KDM4C: variants seen among roughly 807,000 people sequenced by gnomAD.
KDM4C encodes lysine demethylase 4C.
Under a neutral mutation model 129.3 loss-of-function variants are expected in KDM4C, and 81 were observed. That is an observed-to-expected ratio of 0.63 (90% CI 0.52 to 0.75). The LOEUF (loss-of-function observed/expected upper bound fraction) is 0.75. Ranked by LOEUF, KDM4C falls within the 30% of genes least tolerant of loss-of-function variation. The pLI is 0.00. For missense variants in KDM4C, 1,457 were observed against 1,304.0 expected (o/e 1.12, Z -1.81); for synonymous variants, 573 against 456.1 (o/e 1.26, Z -3.26).
At chr9:6,925,723 C>G in intron 8 of KDM4C, 1 of 705,546 alleles carries the variant, frequency 1.4e-6, no homozygotes, top group Non-Finnish European at 1.7e-6. Flanking sequence ...TTCATTAGCC[C>G]TCTCAGCTGA....
chr9:6,891,770 C>A (rs1446681583), intron 7 of KDM4C, among the ~76,000 whole-genome samples: 1 of 152,028 alleles, frequency 6.6e-6, no homozygotes, highest in Non-Finnish European at 1.5e-5. Context: ...GTAGCTATTA[C>A]TGTTTCAGTC....
intron 1 of KDM4C, among the ~76,000 whole-genome samples, chr9:6,728,812 C>T (rs184329659): frequency 5.3e-5 from 8 of 152,124 alleles, no homozygotes; most frequent in Admixed American, 3.9e-4. Context: ...TACCACCACA[C>T]TCCAGCCTAG....
intron 17 of KDM4C, among the ~76,000 whole-genome samples, chr9:7,062,787 C>T (rs1831891644): frequency 6.6e-6 from 1 of 152,086 alleles, no homozygotes; most frequent in South Asian, 2.1e-4. Context: ...TTTAGTTTTG[C>T]CTTTTAACCC....
At chr9:7,047,037 G>T (rs888681976) in intron 16 of KDM4C, 120 bp downstream of exon 16, 3 of 696,346 alleles carry the variant, frequency 4.3e-6, no homozygotes, top group Non-Finnish European at 5.0e-6. Context: ...TTGCTGCTCA[G>T]ATCTGAGGTT....
chr9:6,771,056 G>C (rs888843593), intron 1 of KDM4C, among the ~76,000 whole-genome samples: 1 of 144,380 alleles, frequency 6.9e-6, no homozygotes, highest in Non-Finnish European at 1.5e-5. Context: ...TTACAGGCGT[G>C]AGCCACTGCG....
chr9:7,055,733 C>A (rs1032801804), intron 17 of KDM4C, among the ~76,000 whole-genome samples: 4 of 152,136 alleles, frequency 2.6e-5, no homozygotes, highest in Non-Finnish European at 5.9e-5. Context: ...TGCCAACTGA[C>A]TCATGTTATC....
chr9:6,833,477 T>C (rs1201659499), intron 4 of KDM4C, among the ~76,000 whole-genome samples: 5 of 152,162 alleles, frequency 3.3e-5, no homozygotes, highest in African/African-American at 1.2e-4. Flanking sequence ...GCCACGTGGC[T>C]TCAGAAACAA....
intron 8 of KDM4C, among the ~76,000 whole-genome samples, chr9:6,905,847 A>G (rs952142265): frequency 6.6e-6 from 1 of 152,200 alleles, no homozygotes; most frequent in Non-Finnish European, 1.5e-5. Context: ...CTGAGCACAG[A>G]TTCTCCTTCA....
At chr9:6,822,512 T>C (rs1428460437) in intron 4 of KDM4C, among the ~76,000 whole-genome samples, 1 of 152,198 alleles carries the variant, frequency 6.6e-6, no homozygotes, top group South Asian at 2.1e-4. Flanking sequence ...ATCTTAGAAA[T>C]AGAGCCATCT....
chr9:7,098,508 T>C (rs1428074189), intron 17 of KDM4C, among the ~76,000 whole-genome samples: 1 of 152,222 alleles, frequency 6.6e-6, no homozygotes, highest in Non-Finnish European at 1.5e-5. Context: ...ACTTATCATG[T>C]TATGACCAGT....
chr9:7,155,007 C>T (rs1843023600), intron 19 of KDM4C, among the ~76,000 whole-genome samples: 3 of 152,194 alleles, frequency 2.0e-5, no homozygotes, highest in South Asian at 2.1e-4. Flanking sequence ...TGTTTACTTA[C>T]TCCAGTAACA....
chr9:6,753,095 C>T (rs1051304497), upstream of KDM4C, among the ~76,000 whole-genome samples: 1 of 152,198 alleles, frequency 6.6e-6, no homozygotes, highest in African/African-American at 2.4e-5. Context: ...AGTTCCTCTC[C>T]TTCTACCCCA....
Position 7,173,260 on chromosome 9 carries a change from A to G in KDM4C, c.2995-1293A>G, listed in dbSNP as rs529107066. ...CCGAGGGCAGAGACAGTAGAATAGAATAACTTTCACAGAAATGAAACAGTG... is the reference window on the plus strand; with the variant it reads ...CCGAGGGCAGAGACAGTAGAATAGAGTAACTTTCACAGAAATGAAACAGTG... On this transcript the variant is annotated intron_variant, in intron 21 of 21. Coordinates refer to ENST00000381309, the MANE Select transcript of KDM4C (RefSeq NM_015061.6). Among the ~76,000 whole-genome samples, 3 of 152,346 alleles carry G rather than the reference A, an allele frequency of 2.0e-5. No individual in the cohort carries two copies. In the East Asian group the frequency reaches 5.8e-4, roughly 29 times the overall value.
At chr9:7,034,150 A>G (rs972104843) in intron 15 of KDM4C, among the ~76,000 whole-genome samples, 32 of 152,276 alleles carry the variant, frequency 2.1e-4, no homozygotes, top group Admixed American at 9.2e-4. Flanking sequence ...CATACAATGT[A>G]TAGTGATCAG....
intron 20 of KDM4C, among the ~76,000 whole-genome samples, chr9:7,166,446 GTGTATGTGTGTATGTGTGTC>G (rs1318479966): frequency 2.6e-4 from 2 of 7,680 alleles, no homozygotes; most frequent in Admixed American, 1.3e-3. Context: ...TACATTGTGT[GTGTATGTGTGTATGTGTGTC>G]TGTGTGTGTA....
chr9:7,166,624 G>A (rs1406630858), intron 20 of KDM4C, among the ~76,000 whole-genome samples: 2 of 152,126 alleles, frequency 1.3e-5, no homozygotes, highest in African/African-American at 2.4e-5. Context: ...AATACCGGAG[G>A]ATCCTGGAAA....
At chr9:6,765,323 C>T (rs1384540914) in intron 1 of KDM4C, among the ~76,000 whole-genome samples, 1 of 152,068 alleles carries the variant, frequency 6.6e-6, no homozygotes, top group Non-Finnish European at 1.5e-5. Flanking sequence ...CTCTCATTTT[C>T]CCCCTTTTCA....
At chr9:6,756,485 G>A (rs185861729), upstream of KDM4C, among the ~76,000 whole-genome samples, 3 of 152,358 alleles carry the variant, frequency 2.0e-5, no homozygotes, top group Non-Finnish European at 2.9e-5. Flanking sequence ...GGGAGGCCGA[G>A]GCGGGCGGAT....
intron 19 of KDM4C, among the ~76,000 whole-genome samples, chr9:7,147,549 G>T (rs1350734071): frequency 6.6e-6 from 1 of 152,134 alleles, no homozygotes; most frequent in Non-Finnish European, 1.5e-5. Flanking sequence ...TTTAGTCCCT[G>T]CCAACAACAA....
Sources: gnomAD v4.1 joint callset for allele counts (sites outside exome capture counted in the v4.1 genomes callset) on GRCh38, gnomAD v4.1.1 for gene constraint, MANE v1.5 for transcripts, NCBI Gene and HGNC (gene_info 2026-07-23, HGNC 2026-07-21) for gene names.